Variants in GLIS2 observed in about 807,000 individuals in gnomAD.
GLIS2 encodes the protein zinc finger protein GLIS2.
In GLIS2, 14 loss-of-function variants were observed where a neutral mutation model predicts 35.6. That is an observed-to-expected ratio of 0.39 (90% confidence interval 0.26 to 0.61). GLIS2 has a LOEUF of 0.61. Among genes scored for constraint, GLIS2 ranks in the 20% least tolerant of loss-of-function variants. GLIS2 has a pLI of 0.48. For synonymous variants in GLIS2, 368 were observed against 325.1 expected (o/e 1.13, Z -1.42); for missense variants, 675 against 713.4 (o/e 0.95, Z 0.61).
chr16:4,326,981 G>C (rs2053438044), intron 1 of GLIS2, among the ~76,000 whole-genome samples: 2 of 152,120 alleles, frequency 1.3e-5, no homozygotes, highest in Admixed American at 1.3e-4. Flanking sequence ...GGCTGGTCTG[G>C]AACTCCTGAC....
chr16:4,321,808 C>T (rs1303101330), intron 1 of GLIS2, among the ~76,000 whole-genome samples: 2 of 152,156 alleles, frequency 1.3e-5, no homozygotes, highest in Non-Finnish European at 2.9e-5. Flanking sequence ...GCTCTGGATA[C>T]CAGGGCCAGT....
intron 6 of GLIS2, chr16:4,336,406 C>G (rs1401996358): frequency 9.3e-6 from 5 of 534,814 alleles, no homozygotes; most frequent in African/African-American, 7.6e-5. Flanking sequence ...CTTGGCCTCC[C>G]AAAGTGCTGA....
In GLIS2 at chr16:4,335,178, G is replaced by A. The variant is rs377111318; in HGVS notation, c.641G>A (p.Arg214Gln). 8.6e-5 allele frequency: 139 copies of A among 1,613,406 alleles called. No individual in the cohort carries two copies. The highest frequency in any genetic ancestry group is 1.1e-4 in the Non-Finnish European group (130 of 1,180,044). Residue 214 changes from arginine (R) to glutamine (Q), a missense_variant, in exon 5 of 7, where the codon CGA (arginine) becomes CAA (glutamine). Coordinates refer to ENST00000433375, the MANE Select transcript of GLIS2 (RefSeq NM_032575.3). The surrounding 1 kb of genome is among the most constrained non-coding windows in gnomAD (Gnocchi z 4.6). ...TGGGAGGGCTGCGCCCGCCATGGCC[G>A]AGGTTTCAACGCCAGGTGAGGTGGG... ...CHWEGCARHG[R>Q]GFNARYKMLI...
intron 1 of GLIS2, among the ~76,000 whole-genome samples, chr16:4,317,056 A>G (rs1216289549): frequency 2.6e-5 from 4 of 151,996 alleles, no homozygotes; most frequent in Admixed American, 2.6e-4. Flanking sequence ...CCAGCAGGGT[A>G]CTCGGGCCAC....
intron 1 of GLIS2, among the ~76,000 whole-genome samples, chr16:4,318,143 G>A (rs1275807582): frequency 6.6e-6 from 1 of 152,204 alleles, no homozygotes; most frequent in Non-Finnish European, 1.5e-5. Context: ...GGGGTCAGTG[G>A]CTTCTGGGGA....
At chr16:4,324,029 C>T (rs2053404998) in intron 1 of GLIS2, among the ~76,000 whole-genome samples, 1 of 152,184 alleles carries the variant, frequency 6.6e-6, no homozygotes, top group Admixed American at 6.5e-5. Flanking sequence ...AAAAAAGATC[C>T]CTGGCACATC....
In GLIS2 at chr16:4,337,839, T is replaced by G; in HGVS notation, c.*315T>G. 1 of 503,176 alleles carries G rather than the reference T, an allele frequency of 2.0e-6. No individual in the cohort carries two copies. The highest frequency in any genetic ancestry group is 3.6e-6 in the Non-Finnish European group (1 of 274,658). The allele number at this position is 503,176 out of a possible 1,614,324, so 31.2% of individuals were successfully genotyped here. A position where few individuals can be genotyped will look rare whatever the true frequency, so the allele number is the denominator to read the frequency against. ...CTCCTCCCGTTTCCCTCTCCCACCC[T>G]GGCACCTCCCTCACCTAGTGACCAC... On this transcript the variant is annotated 3_prime_UTR_variant, in exon 7 of 7. Transcript: ENST00000433375.
intron 6 of GLIS2, chr16:4,336,234 C>T (rs936177374): frequency 3.7e-6 from 1 of 273,190 alleles, no homozygotes; most frequent in Non-Finnish European, 7.2e-6. Flanking sequence ...GCAACCTCTG[C>T]CTCCCAGGTT....
intron 1 of GLIS2, among the ~76,000 whole-genome samples, chr16:4,324,055 T>C (rs1264690804): frequency 6.6e-6 from 1 of 152,170 alleles, no homozygotes; most frequent in African/African-American, 2.4e-5. Flanking sequence ...TTCAGGTGCT[T>C]TCCCGAGGAC....
At chr16:4,315,674 G>GC (rs997933514), upstream of GLIS2, among the ~76,000 whole-genome samples, 10 of 151,244 alleles carry the variant, frequency 6.6e-5, no homozygotes, top group East Asian at 9.8e-4. Flanking sequence ...CGCGGGGGGG[G>GC]GGTGGCGTGA....
upstream of GLIS2, among the ~76,000 whole-genome samples, chr16:4,315,832 C>T (rs1053497214): frequency 6.7e-6 from 1 of 150,062 alleles, no homozygotes; most frequent in Admixed American, 6.6e-5. Flanking sequence ...TCCCCCGACG[C>T]GCACGCCCCG....
At position 4,337,656 on chromosome 16, in the gene GLIS2, A is replaced by G. The variant is rs1055537849; in HGVS notation, c.*132A>G. The G allele has an allele frequency of 3.0e-6, 4 of 1,335,048 alleles. No individual in the cohort carries two copies. Among genetic ancestry groups the G allele is most frequent in the Non-Finnish European group, 4.1e-6 (4 of 967,830 alleles). 82.7% of individuals were successfully genotyped at this position (1,335,048 alleles called of 1,614,324 possible). A position where few individuals can be genotyped will look rare whatever the true frequency, so the allele number is the denominator to read the frequency against. ...GCCCCAGCCCAGCCCGCCGGGAGCAAGGATGGTGCTAGGTCATTCATGGCT... is the reference window on the plus strand; with the variant it reads ...GCCCCAGCCCAGCCCGCCGGGAGCAGGGATGGTGCTAGGTCATTCATGGCT... On this transcript the variant is annotated 3_prime_UTR_variant, in exon 7 of 7. Coordinates refer to ENST00000433375, the MANE Select transcript of GLIS2 (RefSeq NM_032575.3).
intron 1 of GLIS2, among the ~76,000 whole-genome samples, chr16:4,323,669 G>GT (rs1355299090): frequency 6.6e-6 from 1 of 152,218 alleles, no homozygotes; most frequent in Admixed American, 6.5e-5. Flanking sequence ...GCCCGGGCTG[G>GT]TGCAGGCCAG....
intron 1 of GLIS2, among the ~76,000 whole-genome samples, chr16:4,329,856 G>A (rs761642954): frequency 1.3e-5 from 2 of 152,220 alleles, no homozygotes; most frequent in Non-Finnish European, 2.9e-5. Flanking sequence ...ATGAACAAAC[G>A]CAAGGAAATG....
At chr16:4,326,847 G>A (rs1043803571) in intron 1 of GLIS2, among the ~76,000 whole-genome samples, 11 of 148,232 alleles carry the variant, frequency 7.4e-5, no homozygotes, top group African/African-American at 2.8e-4. Context: ...TGCAACTTCT[G>A]CCTCCCTGGT....
Position 4,332,324 on chromosome 16 carries a change from C to A in GLIS2, c.44C>A (p.Thr15Asn). ...CCGCTCGACCTGAAGCTGAGTATCA[C>A]CAAGCTCCGGGCGGCAAGAGAGAAG... Reference protein sequence around the residue: ...DEPLDLKLSITKLRAAREKRE... With the variant: ...DEPLDLKLSINKLRAAREKRE... Residue 15 changes from threonine (T) to asparagine (N), a missense_variant, in exon 2 of 7, where the codon ACC becomes AAC. Around this residue, in one of 3 missense-constraint regions of GLIS2, gnomAD observed 225 missense variants for 238.7 expected, o/e 0.94. Transcript: ENST00000433375. This position sits in a 1 kb window ranked among gnomAD's most constrained non-coding sequence, Gnocchi z 5.4. 6.2e-7 allele frequency: 1 copy of A among 1,613,258 alleles called. No individual in the cohort carries two copies. The highest frequency in any genetic ancestry group is 8.5e-7 in the Non-Finnish European group (1 of 1,180,026).
chr16:4,324,382 G>A (rs911461820), intron 1 of GLIS2, among the ~76,000 whole-genome samples: 12 of 152,312 alleles, frequency 7.9e-5, no homozygotes, highest in Admixed American at 5.9e-4. Context: ...AGGCCTTCCC[G>A]GGGCCTTGTA....
chr16:4,316,166 G>T lies in GLIS2; in HGVS notation c.-155G>T, dbSNP rs2053308190. 7.0e-6 allele frequency among the ~76,000 whole-genome samples: 1 copy of T among 142,772 alleles called. No homozygotes were observed. The highest frequency in any genetic ancestry group is 1.5e-5 in the Non-Finnish European group (1 of 64,600). The allele number at this position is 142,772 out of a possible 152,430, so 93.7% of individuals were successfully genotyped here. On this transcript the variant is annotated 5_prime_UTR_variant, in exon 1 of 7. Transcript: ENST00000433375. ...CGTGAGGCCTCGCGCCCCGGCCCCC[G>T]CCCGTCCCGGCCCCTCCCCCGCTCG...
upstream of GLIS2, chr16:4,315,090 C>T (rs1230867433): frequency 6.6e-6 from 1 of 152,206 alleles, no homozygotes; most frequent in Non-Finnish European, 1.5e-5. Flanking sequence ...TGCTGATGTC[C>T]AGGAGGGATC....
Sources: allele counts gnomAD v4.1 joint callset (sites outside exome capture counted in the v4.1 genomes callset), GRCh38; gene constraint gnomAD v4.1.1; regional missense constraint gnomAD v4.1.1; non-coding constraint Gnocchi (gnomAD v3.1); transcripts MANE v1.5; gene names NCBI Gene and HGNC (gene_info 2026-07-23, HGNC 2026-07-21).